The following EXT1 variants were observed in gnomAD, a reference collection of about 807,000 sequenced individuals.
EXT1 encodes exostosin glycosyltransferase 1.
EXT1 carries 20 observed loss-of-function variants against 82.5 expected under a neutral mutation model. That is an observed-to-expected ratio of 0.24 (90% CI 0.17 to 0.35). The LOEUF is 0.35. Among genes scored for constraint, EXT1 ranks in the 10% least tolerant of loss-of-function variants. The pLI, the probability that EXT1 is intolerant of heterozygous loss-of-function variation, is 1.00. For missense variants in EXT1, 757 were observed against 936.5 expected (o/e 0.81, Z 2.50); for synonymous variants, 348 against 350.8 (o/e 0.99, Z 0.09).
chr8:117,814,893 C>T (rs1563568796), intron 7 of EXT1, among the ~76,000 whole-genome samples: 1 of 152,116 alleles, frequency 6.6e-6, no homozygotes, highest in Non-Finnish European at 1.5e-5. Context: ...TCTTTGCCGG[C>T]GAAGCTACCA....
chr8:118,079,667 A>T (rs990257496), intron 1 of EXT1, among the ~76,000 whole-genome samples: 3 of 55,740 alleles, frequency 5.4e-5, no homozygotes, highest in Non-Finnish European at 7.3e-5. Context: ...CCCCACCCCC[A>T]CCCCACCCAC....
chr8:117,962,419 T>C (rs976103045), intron 1 of EXT1, among the ~76,000 whole-genome samples: 2 of 150,994 alleles, frequency 1.3e-5, no homozygotes, highest in Non-Finnish European at 2.9e-5. Context: ...GAGACCAGCC[T>C]GGGCAACACA....
At chr8:117,922,701 CA>C (rs1250875998) in intron 1 of EXT1, among the ~76,000 whole-genome samples, 2 of 152,176 alleles carry the variant, frequency 1.3e-5, no homozygotes, top group Admixed American at 1.3e-4. Context: ...TGCAGCATTT[CA>C]ATGTCCAGCC....
chr8:117,818,238 A>T (rs1176282556), intron 7 of EXT1, among the ~76,000 whole-genome samples, 197 bp downstream of exon 7: 1 of 152,240 alleles, frequency 6.6e-6, no homozygotes, highest in East Asian at 1.9e-4. Context: ...GCTATAAAAG[A>T]GTTGGTATCA....
chr8:117,964,611 CTG>C (rs745952207), intron 1 of EXT1, among the ~76,000 whole-genome samples: 191 of 150,382 alleles, frequency 1.3e-3, no homozygotes, highest in Middle Eastern at 3.4e-3. Context: ...GGTTTTATGT[CTG>C]TGTGTGTGTG....
At position 117,798,781 on chromosome 8, in the gene EXT1, C is replaced by T. The variant is rs552233830; in HGVS notation, c.*931G>A. ...GAGTTCATCTTGTAAATAATCTGTT[C>T]TCCCCAATATACTCATTATTCCTTG... On this transcript the variant is annotated 3_prime_UTR_variant, in exon 11 of 11. Transcript: ENST00000378204. The T allele has an allele frequency of 6.6e-6, 1 of 152,102 alleles. No homozygotes were observed. Among genetic ancestry groups the T allele is most frequent in the South Asian group, 2.1e-4 (1 of 4,828 alleles). 9.4% of individuals were successfully genotyped at this position (152,102 alleles called of 1,614,324 possible).
chr8:117,996,861 G>C (rs1218479762), intron 1 of EXT1, among the ~76,000 whole-genome samples: 1 of 152,134 alleles, frequency 6.6e-6, no homozygotes, highest in East Asian at 1.9e-4. Context: ...AGCCCATTCT[G>C]GGCCAAGCAG....
intron 1 of EXT1, among the ~76,000 whole-genome samples, chr8:117,891,900 G>A (rs1271160482): frequency 2.8e-5 from 4 of 142,806 alleles, no homozygotes; most frequent in East Asian, 4.3e-4. Context: ...TCTGCCTCCC[G>A]GGTTCAAGCG....
At chr8:118,016,164 G>C (rs1816000660) in intron 1 of EXT1, among the ~76,000 whole-genome samples, 1 of 152,186 alleles carries the variant, frequency 6.6e-6, no homozygotes, top group Admixed American at 6.5e-5. Flanking sequence ...AGCCGAGGTG[G>C]GCAGATCACT....
intron 1 of EXT1, among the ~76,000 whole-genome samples, chr8:117,838,792 TC>T (rs1337221518): frequency 6.6e-6 from 1 of 151,768 alleles, no homozygotes; most frequent in African/African-American, 2.4e-5. Context: ...ACACACACAC[TC>T]ACAAAAATAT....
At chr8:117,935,751 T>C (rs953545666) in intron 1 of EXT1, among the ~76,000 whole-genome samples, 1 of 152,184 alleles carries the variant, frequency 6.6e-6, no homozygotes, top group East Asian at 1.9e-4. Context: ...TGTAAAATTA[T>C]TATTTTTATT....
rs1167945162 is a variant in EXT1, at chr8:117,961,149, C to CTTCT, written c.963-123949_963-123948insAGAA. Among the ~76,000 whole-genome samples the CTTCT allele has an allele frequency of 7.9e-4, 120 of 152,188 alleles. 1 individual carries two copies. In the South Asian group the frequency reaches 0.024, roughly 31 times the overall value. ...CCTTCCCTCCTTCCCTCCTTCCTTC[C>CTTCT]TTCCCTCCCTTCTGTCTTTCTCTCT... is the stretch of plus-strand genomic sequence containing the variant. On this transcript the variant is annotated intron_variant, in intron 1 of 10. Coordinates refer to ENST00000378204, the MANE Select transcript of EXT1 (RefSeq NM_000127.3).
chr8:118,057,965 C>T (rs1816821377), intron 1 of EXT1, among the ~76,000 whole-genome samples: 1 of 141,152 alleles, frequency 7.1e-6, no homozygotes, highest in South Asian at 2.4e-4. Context: ...AGTTAGACCC[C>T]ATCTCAAAAG....
intron 1 of EXT1, among the ~76,000 whole-genome samples, chr8:117,893,264 G>A (rs1227529057): frequency 2.6e-5 from 4 of 152,028 alleles, no homozygotes; most frequent in East Asian, 1.9e-4. Flanking sequence ...AATAAATAAC[G>A]AAAATATTCT....
At chr8:118,027,466 A>G (rs1213971735) in intron 1 of EXT1, among the ~76,000 whole-genome samples, 3 of 152,210 alleles carry the variant, frequency 2.0e-5, no homozygotes, top group African/African-American at 7.2e-5. Context: ...ATTCCCCTAA[A>G]TGGCAGAGCC....
chr8:117,961,111 C>A (rs1183327489), intron 1 of EXT1, among the ~76,000 whole-genome samples: 1 of 106,652 alleles, frequency 9.4e-6, no homozygotes, highest in African/African-American at 4.4e-5. Flanking sequence ...TTAGCCAAAG[C>A]ATTTCTTTCC....
chr8:117,812,601 A>G (rs993990988), intron 8 of EXT1, among the ~76,000 whole-genome samples: 2 of 152,178 alleles, frequency 1.3e-5, no homozygotes, highest in Admixed American at 6.5e-5. Flanking sequence ...AAAACAAAAA[A>G]GGAGGGCAGG....
chr8:118,023,721 C>A lies in EXT1; in HGVS notation c.962+86364G>T, dbSNP rs185364662. Among the ~76,000 whole-genome samples the A allele has an allele frequency of 2.7e-3, 415 of 152,142 alleles. 1 individual carries two copies. Among genetic ancestry groups the A allele is most frequent in the Non-Finnish European group, 4.6e-3 (310 of 67,986 alleles). On this transcript the variant is annotated intron_variant, in intron 1 of 10. Transcript: ENST00000378204. ...AACACTAAAGAGGTAGATGAAGAAA[C>A]TAAAAAGGGAAAAAGCAATAGTAAA...
At chr8:117,948,531 T>C (rs1014233424) in intron 1 of EXT1, among the ~76,000 whole-genome samples, 2 of 152,190 alleles carry the variant, frequency 1.3e-5, no homozygotes, top group Non-Finnish European at 2.9e-5. Flanking sequence ...ACTTTACACA[T>C]AGTACCAGGG....
Sources: allele counts gnomAD v4.1 joint callset (sites outside exome capture counted in the v4.1 genomes callset), GRCh38; gene constraint gnomAD v4.1.1; transcripts MANE v1.5; gene names NCBI Gene and HGNC (gene_info 2026-07-23, HGNC 2026-07-21).